UTS2B: variants seen among roughly 807,000 people sequenced by gnomAD.
The protein encoded by UTS2B is urotensin-2B.
Under a neutral mutation model 19.2 loss-of-function variants are expected in UTS2B, and 21 were observed. The observed-to-expected ratio is 1.09, with a 90% CI of 0.78 to 1.58. The LOEUF is 1.58. UTS2B is among the 40% of genes most tolerant of loss of function. UTS2B has a pLI of 0.00. For missense variants in UTS2B, 138 were observed against 130.3 expected (o/e 1.06, Z -0.29); for synonymous variants, 57 against 50.2 (o/e 1.14, Z -0.58).
chr3:191,290,497 G>A (rs889907616), intron 4 of UTS2B, among the ~76,000 whole-genome samples: 15 of 151,638 alleles, frequency 9.9e-5, no homozygotes, highest in African/African-American at 3.6e-4. Flanking sequence ...AGACAGTTTT[G>A]GAACCAAAAG....
chr3:191,310,235 G>A (rs1490605219), intron 3 of UTS2B, among the ~76,000 whole-genome samples: 2 of 151,480 alleles, frequency 1.3e-5, no homozygotes, highest in East Asian at 3.9e-4. Flanking sequence ...CAAAGTGCTG[G>A]GATTACAGGC....
At chr3:191,269,387 G>C (rs1207850282) in intron 8 of UTS2B, among the ~76,000 whole-genome samples, 1 of 152,116 alleles carries the variant, frequency 6.6e-6, no homozygotes, top group African/African-American at 2.4e-5. Context: ...ATTTCTTCAA[G>C]AGCCACAGTT....
At chr3:191,305,809 T>C (rs1258912537) in intron 3 of UTS2B, among the ~76,000 whole-genome samples, 1 of 152,200 alleles carries the variant, frequency 6.6e-6, no homozygotes, top group African/African-American at 2.4e-5. Context: ...TTTCCATTTA[T>C]ATCTTTAATC....
At chr3:191,299,180 C>A (rs927169528) in intron 4 of UTS2B, among the ~76,000 whole-genome samples, 1 of 152,192 alleles carries the variant, frequency 6.6e-6, no homozygotes. Context: ...AAAGAAAACT[C>A]CATTTTCTGG....
chr3:191,336,499 T>C, the UTS2B span, among the ~76,000 whole-genome samples: 5 of 152,184 alleles, frequency 3.3e-5, no homozygotes, highest in African/African-American at 1.2e-4. Context: ...AAATTTTAGC[T>C]CATTTTAAAA....
chr3:191,332,422 A>AT (rs938066596), upstream of UTS2B, among the ~76,000 whole-genome samples: 14 of 152,048 alleles, frequency 9.2e-5, no homozygotes, highest in Admixed American at 8.5e-4. Flanking sequence ...TCAACACATC[A>AT]TTTTTTCTGG....
intron 5 of UTS2B, among the ~76,000 whole-genome samples, chr3:191,279,602 T>A (rs1716326592): frequency 6.6e-6 from 1 of 152,020 alleles, no homozygotes; most frequent in South Asian, 2.1e-4. Context: ...TTTTTTCCCC[T>A]TAATTCACAA....
chr3:191,311,036 T>A (rs565559197), intron 3 of UTS2B, among the ~76,000 whole-genome samples: 3 of 152,256 alleles, frequency 2.0e-5, no homozygotes, highest in South Asian at 4.1e-4. Flanking sequence ...TCCATCTAGA[T>A]TATACATATC....
chr3:191,329,745 C>G, intron 1 of UTS2B: 1 of 1,601,996 alleles, frequency 6.2e-7, no homozygotes, highest in Non-Finnish European at 8.5e-7. Context: ...GGAGGGAGAG[C>G]GCGCGGGACC....
chr3:191,274,057 G>T (rs1716164933), intron 8 of UTS2B, among the ~76,000 whole-genome samples: 1 of 151,546 alleles, frequency 6.6e-6, no homozygotes, highest in African/African-American at 2.4e-5. Flanking sequence ...AGCCGAGATT[G>T]TGCCATTGCA....
chr3:191,297,114 T>C (rs976746187), intron 4 of UTS2B, among the ~76,000 whole-genome samples: 19 of 152,180 alleles, frequency 1.2e-4, no homozygotes, highest in African/African-American at 4.6e-4. Flanking sequence ...TTCTGTGCCT[T>C]TTCTCCTTGT....
chr3:191,271,937 C>T (rs1716105453), intron 8 of UTS2B, among the ~76,000 whole-genome samples: 1 of 152,144 alleles, frequency 6.6e-6, no homozygotes, highest in Non-Finnish European at 1.5e-5. Context: ...TCAGCTATTC[C>T]TAAGACTTCT....
chr3:191,345,456 CCT>C, the UTS2B span, among the ~76,000 whole-genome samples: 2 of 152,144 alleles, frequency 1.3e-5, no homozygotes, highest in East Asian at 1.9e-4. Flanking sequence ...TTTCACTCTT[CCT>C]CTCACTCCAG....
At chr3:191,330,812 T>A (rs993537959), upstream of UTS2B, among the ~76,000 whole-genome samples, 2 of 152,210 alleles carry the variant, frequency 1.3e-5, no homozygotes, top group Non-Finnish European at 2.9e-5. Context: ...ACTGCTTGAT[T>A]GCTTTCTCAG....
chr3:191,294,046 TG>T (rs1716792190), intron 4 of UTS2B, among the ~76,000 whole-genome samples: 1 of 151,626 alleles, frequency 6.6e-6, no homozygotes, highest in Non-Finnish European at 1.5e-5. Flanking sequence ...AGGGGGAGGT[TG>T]CGGTGAGCCA....
rs866745200 is a variant in UTS2B at position 191,267,981 on chromosome 3, G to A, written c.*435C>T. The A allele has an allele frequency of 6.6e-6, 1 of 152,476 alleles. No homozygotes were observed. The allele number at this position is 152,476 out of a possible 1,614,324, so 9.4% of individuals were successfully genotyped here. On this transcript the variant is annotated 3_prime_UTR_variant, in exon 9 of 9. Coordinates refer to ENST00000340524, the MANE Select transcript of UTS2B (RefSeq NM_198152.5). ...CGCTTAGACCAGAAATTCTCAGAAGGAAATATGCCTTAACCCTAAAGAGGC... is the reference window on the plus strand; with the variant it reads ...CGCTTAGACCAGAAATTCTCAGAAGAAAATATGCCTTAACCCTAAAGAGGC...
At chr3:191,345,704 C>T in the UTS2B span, among the ~76,000 whole-genome samples, 36 of 151,980 alleles carry the variant, frequency 2.4e-4, no homozygotes, top group South Asian at 4.8e-3. Flanking sequence ...TTTAGGTTAC[C>T]GGGGTTTTCA....
At chr3:191,279,397 T>C (rs187701396) in intron 5 of UTS2B, among the ~76,000 whole-genome samples, 30 of 152,162 alleles carry the variant, frequency 2.0e-4, no homozygotes, top group African/African-American at 6.5e-4. Context: ...AATTTTTATT[T>C]TAATCATTCA....
At chr3:191,317,573 G>GTTGTTGTTA (rs1378057048) in intron 2 of UTS2B, among the ~76,000 whole-genome samples, 1 of 77,224 alleles carries the variant, frequency 1.3e-5, no homozygotes, top group Non-Finnish European at 2.6e-5. Context: ...AGTCTTTGTT[G>GTTGTTGTTA]TTGTTGTTGT....
Sources: gnomAD v4.1 joint callset for allele counts (sites outside exome capture counted in the v4.1 genomes callset) on GRCh38, gnomAD v4.1.1 for gene constraint, MANE v1.5 for transcripts, NCBI Gene and HGNC (gene_info 2026-07-23, HGNC 2026-07-21) for gene names.